Variants in MTMR14 observed in about 807,000 individuals in gnomAD.
MTMR14 encodes myotubularin related protein 14.
Under a neutral mutation model 86.3 loss-of-function variants are expected in MTMR14, and 48 were observed. The observed-to-expected ratio is 0.56, with a 90% CI of 0.44 to 0.71. MTMR14 has a LOEUF of 0.71. Among genes scored for constraint, MTMR14 ranks in the 30% least tolerant of loss-of-function variants. The pLI is 0.00. For missense variants in MTMR14, 780 were observed against 834.6 expected (o/e 0.93, Z 0.81); for synonymous variants, 366 against 326.1 (o/e 1.12, Z -1.32).
chr3:9,670,735 AT>A (rs2048523109), intron 5 of MTMR14, among the ~76,000 whole-genome samples: 1 of 152,236 alleles, frequency 6.6e-6, no homozygotes. Flanking sequence ...AGCCTGCTGC[AT>A]TTTAGAACGC....
At chr3:9,685,998 C>G (rs1177923728) in intron 13 of MTMR14, among the ~76,000 whole-genome samples, 1 of 152,126 alleles carries the variant, frequency 6.6e-6, no homozygotes. Context: ...AGCTGTCCCA[C>G]GGTGTCAGCT....
At chr3:9,680,449 C>T (rs1010927469) in intron 9 of MTMR14, among the ~76,000 whole-genome samples, 7 of 152,196 alleles carry the variant, frequency 4.6e-5, no homozygotes, top group Admixed American at 1.3e-4. Context: ...TAAAACCTAC[C>T]ACTGACTTCC....
chr3:9,671,987 A>G (rs949126286), intron 6 of MTMR14, among the ~76,000 whole-genome samples: 14 of 152,088 alleles, frequency 9.2e-5, no homozygotes, highest in Non-Finnish European at 1.8e-4. Context: ...TTATTTTCAG[A>G]TGCTGTTTGT....
intron 13 of MTMR14, among the ~76,000 whole-genome samples, chr3:9,685,949 G>A (rs1224435439): frequency 6.6e-6 from 1 of 152,126 alleles, no homozygotes; most frequent in Non-Finnish European, 1.5e-5. Flanking sequence ...GTCTCCTGGT[G>A]TCAAGCGTGA....
intron 3 of MTMR14, among the ~76,000 whole-genome samples, chr3:9,662,768 C>T (rs1056622666): frequency 3.9e-5 from 6 of 152,128 alleles, no homozygotes; most frequent in Non-Finnish European, 7.3e-5. Flanking sequence ...ATATAATTCA[C>T]CAAGTATTTA....
rs530659847 is a variant in MTMR14 at position 9,677,051 on chromosome 3, T to A, written c.752-266T>A. Among the ~76,000 whole-genome samples the A allele has an allele frequency of 1.6e-4, 25 of 152,242 alleles. No individual in the cohort carries two copies. Among genetic ancestry groups the A allele is most frequent in the Non-Finnish European group, 3.2e-4 (22 of 68,018 alleles). ...GGAAGTGACTGGTGACCAGTGAGCA[T>A]AGATGGAGAAAGTTACAAAGAGGCT... On this transcript the variant is annotated intron_variant, in intron 7 of 18. Transcript: ENST00000296003. This position sits in a 1 kb window ranked among gnomAD's most constrained non-coding sequence, Gnocchi z 4.2.
At chr3:9,685,892 G>A (rs2075930465) in intron 13 of MTMR14, among the ~76,000 whole-genome samples, 1 of 152,062 alleles carries the variant, frequency 6.6e-6, no homozygotes, top group Non-Finnish European at 1.5e-5. Flanking sequence ...TTCCCTAGTT[G>A]GCCCCCTTAC....
chr3:9,672,604 G>A (rs943820203), intron 6 of MTMR14, 81 bp from the exon 7 acceptor site: 105 of 1,241,606 alleles, frequency 8.5e-5, no homozygotes. Flanking sequence ...CTTCATTTGT[G>A]ATTATAACCC....
At chr3:9,661,469 C>T (rs1315429249) in intron 2 of MTMR14, among the ~76,000 whole-genome samples, 1 of 152,180 alleles carries the variant, frequency 6.6e-6, no homozygotes, top group African/African-American at 2.4e-5. Context: ...TGCTCACCTC[C>T]TGGTTCCTAA....
At chr3:9,650,080 G>A (rs1057034311) in intron 1 of MTMR14, among the ~76,000 whole-genome samples, 1 of 152,124 alleles carries the variant, frequency 6.6e-6, no homozygotes, top group African/African-American at 2.4e-5. Flanking sequence ...CGTAGGATGA[G>A]TTGTGTCAGG....
At chr3:9,700,523 C>T (rs1366442577) in intron 18 of MTMR14, 1 of 150,990 alleles carries the variant, frequency 6.6e-6, no homozygotes, top group Non-Finnish European at 1.5e-5. Context: ...TGTTTCCCTT[C>T]TTGACTTGTA....
chr3:9,697,914 A>G (rs753046543), intron 18 of MTMR14, 48 bp downstream of exon 18: 2 of 1,611,780 alleles, frequency 1.2e-6, no homozygotes, highest in Non-Finnish European at 1.7e-6. Flanking sequence ...CCCATGGGAA[A>G]AGCTGGTGAG....
rs1021289763 is a variant in MTMR14, at chr3:9,669,348, A to G, written c.494-84A>G. On this transcript the variant is annotated intron_variant, in intron 4 of 18. Coordinates refer to ENST00000296003, the MANE Select transcript of MTMR14 (RefSeq NM_001077525.3). ...GTAGTCCCAGCCCACCCTTGGCACTATGGGGAAGGAGGCTGGTGAGGAGGC... is the reference window on the plus strand; with the variant it reads ...GTAGTCCCAGCCCACCCTTGGCACTGTGGGGAAGGAGGCTGGTGAGGAGGC... 5 of 1,396,344 alleles carry G rather than the reference A, an allele frequency of 3.6e-6. No individual in the cohort carries two copies. In the African/African-American group the frequency reaches 5.7e-5, roughly 16 times the overall value. The allele number at this position is 1,396,344 out of a possible 1,614,324, so 86.5% of individuals were successfully genotyped here. A position where few individuals can be genotyped will look rare whatever the true frequency, so the allele number is the denominator to read the frequency against.
Position 9,671,008 on chromosome 3 carries a change from A to G in MTMR14, c.555-40A>G, listed in dbSNP as rs116222224. 2.7e-3 allele frequency: 4,323 copies of G among 1,613,652 alleles called. 7 individuals carry two copies. Among genetic ancestry groups the G allele is most frequent in the Non-Finnish European group, 3.3e-3 (3,862 of 1,179,660 alleles). On this transcript the variant is annotated intron_variant, in intron 5 of 18. Coordinates refer to ENST00000296003, the MANE Select transcript of MTMR14 (RefSeq NM_001077525.3). ...GCCCACCCCCAAGCTCCTGTGAGTG[A>G]ACATGCCATGTAACTTCTCCCTCTG... is the stretch of plus-strand genomic sequence containing the variant.
intron 17 of MTMR14, among the ~76,000 whole-genome samples, chr3:9,695,989 A>G (rs943625649): frequency 2.0e-5 from 3 of 152,162 alleles, no homozygotes; most frequent in African/African-American, 7.2e-5. Context: ...GTCGGGCCCT[A>G]GGGGCTTCCG....
chr3:9,672,900 C>T (rs1382562861), intron 7 of MTMR14, 142 bp downstream of exon 7: 11 of 788,612 alleles, frequency 1.4e-5, no homozygotes, highest in Non-Finnish European at 2.5e-5. Flanking sequence ...CATTTTGGTT[C>T]CCAGTCACAG....
chr3:9,702,106 G>A lies in MTMR14; in HGVS notation c.*133G>A. ...GTCCCCCATCTCCATCATGAACATG[G>A]CAGCCCCAAAGCTGAGCAAGGCCAA... On this transcript the variant is annotated 3_prime_UTR_variant, in exon 19 of 19. Transcript: ENST00000296003. The A allele has an allele frequency of 8.3e-7, 1 of 1,202,030 alleles. No individual in the cohort carries two copies. Among genetic ancestry groups the A allele is most frequent in the Non-Finnish European group, 1.2e-6 (1 of 834,942 alleles). 74.5% of individuals were successfully genotyped at this position (1,202,030 alleles called of 1,614,324 possible). A position where few individuals can be genotyped will look rare whatever the true frequency, so the allele number is the denominator to read the frequency against.
chr3:9,689,130 G>A (rs1439589086), intron 16 of MTMR14, 48 bp downstream of exon 16: 1 of 1,600,750 alleles, frequency 6.2e-7, no homozygotes, highest in South Asian at 1.1e-5. Flanking sequence ...GTGGCCCGGG[G>A]CCATCAGCAC....
rs1559600912 is a variant in MTMR14, at chr3:9,684,629, AC to A, written c.1015del (p.Leu339SerfsTer20). The A allele has an allele frequency of 1.2e-6, 2 of 1,612,392 alleles. No homozygotes were observed. The highest frequency in any genetic ancestry group is 1.1e-5 in the South Asian group (1 of 90,966). ...ACACTGTATCTCAGGCTGGGATCGGACCCCCCTCTTCATCTCCCTCCTGCGC... is the reference window on the plus strand; with the variant it reads ...ACACTGTATCTCAGGCTGGGATCGGACCCCCTCTTCATCTCCCTCCTGCGC... Reference protein sequence around the residue: ...LVHCISGWDRTPLFISLLRLS... With the variant: ...LVHCISGWDRXPLFISLLRLS... On this transcript the variant is annotated frameshift_variant, in exon 11 of 19. Coordinates refer to ENST00000296003, the MANE Select transcript of MTMR14 (RefSeq NM_001077525.3). LOFTEE classifies it high-confidence loss of function.
Sources: allele counts gnomAD v4.1 joint callset (sites outside exome capture counted in the v4.1 genomes callset), GRCh38; gene constraint gnomAD v4.1.1; non-coding constraint Gnocchi (gnomAD v3.1); transcripts MANE v1.5; gene names NCBI Gene and HGNC (gene_info 2026-07-23, HGNC 2026-07-21).